The following SH3KBP1 variants were observed in gnomAD, a reference collection of about 807,000 sequenced individuals.
SH3KBP1 encodes the protein SH3 domain-containing kinase-binding protein 1.
SH3KBP1 carries 8 observed loss-of-function variants against 50.1 expected under a neutral mutation model. The observed-to-expected ratio is 0.16, with a 90% CI of 0.09 to 0.29. SH3KBP1 has a LOEUF of 0.29. Ranked by LOEUF, SH3KBP1 falls within the 10% of genes least tolerant of loss-of-function variation. The probability of loss-of-function intolerance (pLI) is 1.00; values close to 1 mark genes in which losing one functional copy is unlikely to be tolerated. For synonymous variants in SH3KBP1, 227 were observed against 218.6 expected (o/e 1.04, Z -0.34); for missense variants, 377 against 535.2 (o/e 0.70, Z 2.92).
intron 2 of SH3KBP1, among the ~76,000 whole-genome samples, chrX:19,833,974 C>T (rs931688091): frequency 2.7e-5 from 3 of 111,369 alleles, no homozygotes; most frequent in African/African-American, 9.8e-5. Context: ...GAGCGAGCGG[C>T]TGGATTCAAG....
At chrX:19,729,365 C>T (rs1408422917) in intron 3 of SH3KBP1, among the ~76,000 whole-genome samples, 1 of 112,437 alleles carries the variant, frequency 8.9e-6, no homozygotes, top group Non-Finnish European at 1.9e-5. Flanking sequence ...CGATACAGTT[C>T]ATAATTTATG....
chrX:19,567,970 T>C (rs760072740), intron 13 of SH3KBP1, among the ~76,000 whole-genome samples: 2 of 111,172 alleles, frequency 1.8e-5, no homozygotes, highest in African/African-American at 6.5e-5. Flanking sequence ...AAGATCATTA[T>C]GTTAAGTGAA....
At chrX:19,644,593 T>A (rs558021874) in intron 7 of SH3KBP1, among the ~76,000 whole-genome samples, 2 of 112,410 alleles carry the variant, frequency 1.8e-5, no homozygotes, top group African/African-American at 6.5e-5. Context: ...GTGCTTGAAA[T>A]GTAGCTACTC....
At chrX:19,846,786 T>A (rs1360213335) in intron 1 of SH3KBP1, among the ~76,000 whole-genome samples, 1 of 112,061 alleles carries the variant, frequency 8.9e-6, no homozygotes, top group Non-Finnish European at 1.9e-5. Flanking sequence ...ATGGATAAGG[T>A]ATCTGAAGGA....
At chrX:19,715,274 C>CA (rs35221727) in intron 3 of SH3KBP1, among the ~76,000 whole-genome samples, 3,194 of 39,979 alleles carry the variant, frequency 0.08, 98 homozygotes, top group African/African-American at 0.09. Flanking sequence ...ACCTTGTCTC[C>CA]AAAAAAAAAA....
intron 3 of SH3KBP1, among the ~76,000 whole-genome samples, chrX:19,741,361 A>T (rs991801795): frequency 2.7e-5 from 3 of 112,309 alleles, no homozygotes; most frequent in South Asian, 7.4e-4. Context: ...TTTCAGCATT[A>T]ATCTCTGGAA....
At chrX:19,810,451 G>C (rs745651541) in intron 2 of SH3KBP1, among the ~76,000 whole-genome samples, 2 of 112,126 alleles carry the variant, frequency 1.8e-5, no homozygotes, top group Non-Finnish European at 3.8e-5. Flanking sequence ...ATCCTGTGTG[G>C]CTCTGTGAGA....
chrX:19,535,057 T>C lies in SH3KBP1; in HGVS notation c.*1360A>G, dbSNP rs1310258139. 4.4e-5 allele frequency: 13 copies of C among 295,728 alleles called. No homozygotes were observed. Among genetic ancestry groups the C allele is most frequent in the Non-Finnish European group, 7.6e-5 (13 of 170,083 alleles). 24.4% of individuals were successfully genotyped at this position (295,728 alleles called of 1,213,427 possible). Reference sequence around the variant, plus strand: ...ACACATCCAACATCTTCAGGGGCCATTAAGGGACCACCCCCTCCACCCCTA... The same window carrying C: ...ACACATCCAACATCTTCAGGGGCCACTAAGGGACCACCCCCTCCACCCCTA... On this transcript the variant is annotated 3_prime_UTR_variant, in exon 18 of 18. Transcript: ENST00000397821.
At chrX:19,833,091 A>G (rs1471935749) in intron 2 of SH3KBP1, among the ~76,000 whole-genome samples, 2 of 111,754 alleles carry the variant, frequency 1.8e-5, no homozygotes, top group Non-Finnish European at 3.8e-5. Flanking sequence ...TCAAAACTGG[A>G]GCTGATGCTG....
chrX:19,686,442 G>A (rs1164625545), intron 5 of SH3KBP1, among the ~76,000 whole-genome samples: 1 of 111,424 alleles, frequency 9.0e-6, no homozygotes, highest in African/African-American at 3.3e-5. Flanking sequence ...GCTGGTTCAT[G>A]AAGGGCTCAT....
chrX:19,697,788 A>T (rs759002285), intron 4 of SH3KBP1, among the ~76,000 whole-genome samples: 1 of 112,018 alleles, frequency 8.9e-6, no homozygotes, highest in East Asian at 2.8e-4. Flanking sequence ...ACAGGTGTGT[A>T]TGAGAAAGGG....
chrX:19,715,110 T>TA (rs770055300), intron 3 of SH3KBP1, among the ~76,000 whole-genome samples: 69 of 109,984 alleles, frequency 6.3e-4, no homozygotes, highest in Non-Finnish European at 1.1e-3. Flanking sequence ...TTCGTCTCTA[T>TA]AAAAAATGAA....
At chrX:19,735,664 G>A (rs1191179958) in intron 3 of SH3KBP1, among the ~76,000 whole-genome samples, 1 of 95,366 alleles carries the variant, frequency 1.0e-5, no homozygotes, top group Non-Finnish European at 2.0e-5. Flanking sequence ...CATTGTGATT[G>A]GAGAATATAC....
intron 13 of SH3KBP1, among the ~76,000 whole-genome samples, chrX:19,554,692 A>G (rs778962742): frequency 2.6e-4 from 29 of 111,338 alleles, no homozygotes; most frequent in African/African-American, 9.1e-4. Flanking sequence ...GTGAGCCACT[A>G]CACCCAGCTT....
intron 6 of SH3KBP1, among the ~76,000 whole-genome samples, chrX:19,680,051 T>C (rs770189471): frequency 1.8e-5 from 2 of 111,404 alleles, no homozygotes; most frequent in South Asian, 7.5e-4. Flanking sequence ...CACAAGATTA[T>C]CTACTGACTC....
intron 1 of SH3KBP1, among the ~76,000 whole-genome samples, chrX:19,884,859 T>G (rs957955755): frequency 8.9e-6 from 1 of 112,237 alleles, no homozygotes; most frequent in Non-Finnish European, 1.9e-5. Context: ...TGGGCTTTTA[T>G]AAGAGGCCAT....
At chrX:19,620,467 G>T (rs1165372591) in intron 8 of SH3KBP1, among the ~76,000 whole-genome samples, 1 of 112,415 alleles carries the variant, frequency 8.9e-6, no homozygotes, top group East Asian at 2.8e-4. Context: ...AAACTTGTTT[G>T]GTGGCTTTTA....
intron 7 of SH3KBP1, among the ~76,000 whole-genome samples, chrX:19,638,958 A>G (rs2061784763): frequency 8.9e-6 from 1 of 111,958 alleles, no homozygotes; most frequent in Admixed American, 9.5e-5. Context: ...CAATACCTGG[A>G]GACAATTCTA....
intron 2 of SH3KBP1, among the ~76,000 whole-genome samples, chrX:19,817,763 T>C (rs2067401136): frequency 9.0e-6 from 1 of 111,236 alleles, no homozygotes; most frequent in African/African-American, 3.3e-5. Flanking sequence ...GCCTCCTGAG[T>C]TGCTGGGATT....
Sources: allele counts gnomAD v4.1 joint callset (sites outside exome capture counted in the v4.1 genomes callset), GRCh38; gene constraint gnomAD v4.1.1; transcripts MANE v1.5; gene names NCBI Gene and HGNC (gene_info 2026-07-23, HGNC 2026-07-21).